SAMD4A: variants seen among roughly 807,000 people sequenced by gnomAD.
The protein encoded by SAMD4A is protein Smaug homolog 1.
In SAMD4A, 33 loss-of-function variants were observed where a neutral mutation model predicts 81.3. That is an observed-to-expected ratio of 0.41 (90% CI 0.31 to 0.54). The LOEUF is 0.54. Ranked by LOEUF, SAMD4A falls within the 20% of genes least tolerant of loss-of-function variation. The pLI, the probability that SAMD4A is intolerant of heterozygous loss-of-function variation, is 0.37. For synonymous variants in SAMD4A, 389 were observed against 382.1 expected (o/e 1.02, Z -0.21); for missense variants, 854 against 951.1 (o/e 0.90, Z 1.34).
At chr14:54,665,566 G>T (rs2035740862) in intron 2 of SAMD4A, among the ~76,000 whole-genome samples, 1 of 152,216 alleles carries the variant, frequency 6.6e-6, no homozygotes, top group Admixed American at 6.5e-5. Flanking sequence ...TTTTACCTGA[G>T]TGGACTTTTA....
intron 6 of SAMD4A, among the ~76,000 whole-genome samples, chr14:54,753,411 C>G (rs1444578705): frequency 6.6e-6 from 1 of 152,252 alleles, no homozygotes; most frequent in Admixed American, 6.5e-5. Flanking sequence ...CCCTAGATCC[C>G]TTAAACCTTG....
intron 2 of SAMD4A, chr14:54,687,488 C>G (rs1179935662): frequency 1.8e-5 from 7 of 395,842 alleles, no homozygotes. Flanking sequence ...ATCTAGAATT[C>G]AGTTAATTCA....
intron 2 of SAMD4A, among the ~76,000 whole-genome samples, chr14:54,583,343 G>A (rs1188980063): frequency 6.6e-6 from 1 of 151,990 alleles, no homozygotes; most frequent in Non-Finnish European, 1.5e-5. Flanking sequence ...TGTAACTAGG[G>A]GTCCTATAGT....
intron 2 of SAMD4A, among the ~76,000 whole-genome samples, chr14:54,568,681 C>T (rs1346075602): frequency 1.8e-5 from 2 of 109,744 alleles, no homozygotes; most frequent in Non-Finnish European, 3.4e-5. Flanking sequence ...AGTAAAATGA[C>T]ATTTGCAGCA....
chr14:54,611,643 G>A (rs976387348), intron 2 of SAMD4A, among the ~76,000 whole-genome samples: 1 of 152,108 alleles, frequency 6.6e-6, no homozygotes, highest in South Asian at 2.1e-4. Context: ...TTGGGAGGCC[G>A]AGGTGGGCAG....
chr14:54,712,765 A>C (rs2037023264), intron 3 of SAMD4A, among the ~76,000 whole-genome samples: 2 of 152,210 alleles, frequency 1.3e-5, no homozygotes, highest in Admixed American at 6.5e-5. Flanking sequence ...ACCTTGGGTC[A>C]TGAGGCTGTG....
intron 11 of SAMD4A, among the ~76,000 whole-genome samples, chr14:54,781,007 T>G (rs1253996355): frequency 6.6e-6 from 1 of 152,100 alleles, no homozygotes; most frequent in Non-Finnish European, 1.5e-5. Context: ...TCTTCTTTAC[T>G]CATCTCATCA....
intron 2 of SAMD4A, among the ~76,000 whole-genome samples, chr14:54,688,937 T>C (rs2036355628): frequency 6.7e-6 from 1 of 149,092 alleles, no homozygotes; most frequent in South Asian, 2.1e-4. Flanking sequence ...AATTCTTTTT[T>C]TTTTTTTTTT....
chr14:54,683,580 T>G (rs577480275), intron 2 of SAMD4A, among the ~76,000 whole-genome samples: 34 of 152,324 alleles, frequency 2.2e-4, no homozygotes, highest in Non-Finnish European at 1.5e-4. Context: ...TATACTCCTC[T>G]GTCTCCATAG....
At chr14:54,704,661 A>C (rs149227494) in intron 3 of SAMD4A, among the ~76,000 whole-genome samples, 2 of 152,312 alleles carry the variant, frequency 1.3e-5, no homozygotes, top group Non-Finnish European at 2.9e-5. Flanking sequence ...TAACCAGATG[A>C]CTAGCTGACA....
intron 2 of SAMD4A, among the ~76,000 whole-genome samples, chr14:54,649,313 G>A (rs563019679): frequency 6.6e-6 from 1 of 152,342 alleles, no homozygotes; most frequent in South Asian, 2.1e-4. Flanking sequence ...GTATTCAAGA[G>A]TGAGACAGAG....
At chr14:54,657,660 T>G (rs1456457790) in intron 2 of SAMD4A, among the ~76,000 whole-genome samples, 1 of 152,246 alleles carries the variant, frequency 6.6e-6, no homozygotes, top group Non-Finnish European at 1.5e-5. Context: ...TCTGCAGTGA[T>G]GTGGTCCATG....
intron 2 of SAMD4A, among the ~76,000 whole-genome samples, chr14:54,603,059 G>A (rs1484426651): frequency 6.6e-6 from 1 of 152,200 alleles, no homozygotes; most frequent in Non-Finnish European, 1.5e-5. Context: ...TACTCATAGA[G>A]TTGTTCCCCT....
At chr14:54,682,106 T>C (rs1594803928) in intron 2 of SAMD4A, 4 of 965,026 alleles carry the variant, frequency 4.1e-6, no homozygotes, top group East Asian at 2.3e-4. Context: ...ATCCCTGTTC[T>C]TATCCCACAA....
At chr14:54,654,159 A>G (rs1011680680) in intron 2 of SAMD4A, among the ~76,000 whole-genome samples, 14 of 152,174 alleles carry the variant, frequency 9.2e-5, no homozygotes, top group Non-Finnish European at 7.3e-5. Flanking sequence ...TGACTATGAC[A>G]TATAATACCC....
At chr14:54,637,320 G>A (rs1157272178) in intron 2 of SAMD4A, among the ~76,000 whole-genome samples, 1 of 142,388 alleles carries the variant, frequency 7.0e-6, no homozygotes, top group Non-Finnish European at 1.5e-5. Flanking sequence ...AGCTGAGACT[G>A]CGTCATTGCA....
At chr14:54,739,045 C>CCT in intron 4 of SAMD4A, among the ~76,000 whole-genome samples, 1 of 81,882 alleles carries the variant, frequency 1.2e-5, no homozygotes, top group Non-Finnish European at 2.2e-5. Context: ...TGTTTTCTTT[C>CCT]TTTCCTTTTC....
chr14:54,781,042 GTCCCTTTTTGTCT>G (rs1831500600), intron 11 of SAMD4A, among the ~76,000 whole-genome samples: 2 of 151,964 alleles, frequency 1.3e-5, no homozygotes, highest in African/African-American at 2.4e-5. Flanking sequence ...CCACTGCTCT[GTCCCTTTTTGTCT>G]TCCCTGCTTT....
intron 2 of SAMD4A, among the ~76,000 whole-genome samples, chr14:54,590,056 C>G (rs1395613762): frequency 1.3e-5 from 2 of 152,106 alleles, no homozygotes; most frequent in East Asian, 1.9e-4. Flanking sequence ...TGCTTTTTCT[C>G]TAGCATAAAA....
Sources: gnomAD v4.1 joint callset for allele counts (sites outside exome capture counted in the v4.1 genomes callset) on GRCh38, gnomAD v4.1.1 for gene constraint, MANE v1.5 for transcripts, NCBI Gene and HGNC (gene_info 2026-07-23, HGNC 2026-07-21) for gene names.